Variants in NEBL observed in about 807,000 individuals in gnomAD.
NEBL encodes the protein nebulette.
A neutral mutation model predicts 140.2 loss-of-function variants in NEBL; 122 were observed. The ratio of observed to expected loss-of-function variants is 0.87; its 90% CI spans 0.75 to 1.01. The LOEUF (loss-of-function observed/expected upper bound fraction) is 1.01. Among genes scored for constraint, NEBL ranks in the 50% least tolerant of loss-of-function variants. NEBL has a pLI of 0.00. For synonymous variants in NEBL, 436 were observed against 398.9 expected (o/e 1.09, Z -1.11); for missense variants, 1,365 against 1,231.3 (o/e 1.11, Z -1.62).
intron 3 of NEBL, among the ~76,000 whole-genome samples, chr10:20,999,537 T>G (rs1256893304): frequency 6.6e-6 from 1 of 152,192 alleles, no homozygotes; most frequent in Non-Finnish European, 1.5e-5. Context: ...AGGTTGAGGC[T>G]GCAGTGAGCT....
intron 3 of NEBL, among the ~76,000 whole-genome samples, chr10:21,198,406 T>G (rs903121004): frequency 6.6e-6 from 1 of 152,214 alleles, no homozygotes; most frequent in African/African-American, 2.4e-5. Flanking sequence ...TCCCTCTCTG[T>G]GCCTCCTGGT....
chr10:21,090,173 T>C lies in NEBL; in HGVS notation c.165-69972A>G, dbSNP rs548104884. Among the ~76,000 whole-genome samples, 25 of 152,304 alleles carry C rather than the reference T, an allele frequency of 1.6e-4. No homozygotes were observed. The South Asian group carries it at 4.8e-3, about 29-fold the overall frequency. ...AAGAGCTACGGTCTTCCCAGTGAAGTGCTTGCAAAACAGTATTTATCACCC... is the reference window on the plus strand; with the variant it reads ...AAGAGCTACGGTCTTCCCAGTGAAGCGCTTGCAAAACAGTATTTATCACCC... On this transcript the variant is annotated intron_variant, in intron 2 of 6. Transcript: ENST00000417816.
In NEBL at chr10:20,799,397, C is replaced by T. The variant is rs376667875; in HGVS notation, c.2761+9113G>A. Among the ~76,000 whole-genome samples the T allele has an allele frequency of 4.1e-4, 63 of 152,258 alleles. 1 individual carries two copies. In the South Asian group the frequency reaches 4.8e-3, roughly 12 times the overall value. On this transcript the variant is annotated intron_variant, in intron 26 of 27. Coordinates refer to ENST00000377122, the MANE Select transcript of NEBL (RefSeq NM_006393.3). ...TCTTGAACTCCTGGACTCTAGTGAT[C>T]CACCCACCTCCGCTTCCCAAAGTGC... is the stretch of plus-strand genomic sequence containing the variant.
At chr10:21,030,301 G>T in intron 2 of NEBL, 1 of 655,366 alleles carries the variant, frequency 1.5e-6, no homozygotes, top group Non-Finnish European at 2.7e-6. Flanking sequence ...AACTGGAACG[G>T]TGGAGGACAG....
At chr10:21,048,468 A>AAAAAGGT (rs1554821159) in intron 2 of NEBL, among the ~76,000 whole-genome samples, 6 of 151,840 alleles carry the variant, frequency 4.0e-5, no homozygotes, top group Non-Finnish European at 8.8e-5. Context: ...AAAAAAAAAA[A>AAAAAGGT]ACCTAAGTAA....
chr10:20,998,987 A>C (rs1224594599), intron 3 of NEBL, among the ~76,000 whole-genome samples: 1 of 152,206 alleles, frequency 6.6e-6, no homozygotes, highest in Non-Finnish European at 1.5e-5. Context: ...CTGGGTGTTC[A>C]GGGTTAGGCA....
At chr10:21,083,469 TA>T (rs1384913680) in intron 2 of NEBL, among the ~76,000 whole-genome samples, 41 of 152,232 alleles carry the variant, frequency 2.7e-4, no homozygotes, top group Non-Finnish European at 5.9e-5. Flanking sequence ...CTTTCTGAAA[TA>T]TTTTTGCAAT....
At chr10:21,196,313 T>TTTTA (rs10629849) in intron 3 of NEBL, among the ~76,000 whole-genome samples, 78,195 of 140,396 alleles carry the variant, frequency 0.56, 22,112 homozygotes, top group Non-Finnish European at 0.59. Flanking sequence ...ATATTTTTAT[T>TTTTA]TTTATTTATT....
intron 3 of NEBL, among the ~76,000 whole-genome samples, chr10:20,978,211 C>T (rs1589101445): frequency 1.3e-5 from 2 of 152,210 alleles, no homozygotes; most frequent in African/African-American, 4.8e-5. Context: ...CCATCTTCCC[C>T]AACACTTCCC....
Position 20,784,183 on chromosome 10 carries a change from C to T in NEBL, c.*1564G>A, listed in dbSNP as rs1317488651. On this transcript the variant is annotated 3_prime_UTR_variant, in exon 28 of 28. Coordinates refer to ENST00000377122, the MANE Select transcript of NEBL (RefSeq NM_006393.3). The stretch of plus-strand genomic sequence containing the variant: ...ATCTTAGTACTTTTTTGCAGTTTTG[C>T]TTTTTCGGTTTTGTCATAGCTGTGA... The T allele has an allele frequency of 6.6e-6, 1 of 152,126 alleles. No individual in the cohort carries two copies. The highest frequency in any genetic ancestry group is 2.1e-4 in the South Asian group (1 of 4,828). The allele number at this position is 152,126 out of a possible 1,614,324, so 9.4% of individuals were successfully genotyped here.
intron 2 of NEBL, among the ~76,000 whole-genome samples, chr10:21,121,512 G>A (rs1156999754): frequency 6.6e-6 from 1 of 152,144 alleles, no homozygotes; most frequent in Non-Finnish European, 1.5e-5. Context: ...GTTGTCATAG[G>A]AAAAGTCCAA....
intron 2 of NEBL, among the ~76,000 whole-genome samples, chr10:21,076,672 A>ATT (rs1481525312): frequency 6.6e-6 from 1 of 152,190 alleles, no homozygotes; most frequent in Non-Finnish European, 1.5e-5. Context: ...ATCAGCTACT[A>ATT]TTCAACCTTA....
intron 2 of NEBL, among the ~76,000 whole-genome samples, chr10:20,892,558 A>G (rs1199197818): frequency 6.6e-6 from 1 of 152,122 alleles, no homozygotes; most frequent in Non-Finnish European, 1.5e-5. Flanking sequence ...AGTCATCTGC[A>G]CTCCTACCGA....
chr10:20,958,330 AGG>A (rs1189544906), intron 4 of NEBL, among the ~76,000 whole-genome samples: 3 of 152,114 alleles, frequency 2.0e-5, no homozygotes, highest in Non-Finnish European at 4.4e-5. Flanking sequence ...GGGCAAGGAG[AGG>A]GTGGATGGCA....
intron 3 of NEBL, among the ~76,000 whole-genome samples, chr10:20,970,369 T>C (rs566083374): frequency 6.6e-6 from 1 of 152,180 alleles, no homozygotes; most frequent in Non-Finnish European, 1.5e-5. Context: ...CTGGGCACAG[T>C]GGCTCACATC....
rs184020626 is a variant in NEBL at position 20,851,903 on chromosome 10, G to A, written c.1008+642C>T. Among the ~76,000 whole-genome samples, 26 of 152,048 alleles carry A rather than the reference G, an allele frequency of 1.7e-4. 1 individual carries two copies. In the East Asian group the frequency reaches 4.3e-3, roughly 25 times the overall value. ...TTTTAAAACCAATGAAGGTGAGTAC[G>A]AAATTATTATGGACTTTAAGTTCCA... On this transcript the variant is annotated intron_variant, in intron 10 of 27. Coordinates refer to ENST00000377122, the MANE Select transcript of NEBL (RefSeq NM_006393.3).
intron 2 of NEBL, among the ~76,000 whole-genome samples, chr10:21,171,181 CA>C (rs1344081529): frequency 6.6e-6 from 1 of 151,902 alleles, no homozygotes. Context: ...ACTAAAAATA[CA>C]AAATTAACTG....
intron 3 of NEBL, among the ~76,000 whole-genome samples, chr10:20,964,882 T>G (rs2131624445): frequency 6.6e-6 from 1 of 152,330 alleles, no homozygotes; most frequent in East Asian, 1.9e-4. Context: ...GTTTGCCCGT[T>G]ACGTGAGCTA....
intron 3 of NEBL, among the ~76,000 whole-genome samples, chr10:21,181,387 G>A (rs537635846): frequency 6.6e-6 from 1 of 151,356 alleles, no homozygotes; most frequent in African/African-American, 2.4e-5. Flanking sequence ...TGAAGGTAGC[G>A]TTTTCTGTAA....
Sources: gnomAD v4.1 joint callset for allele counts (sites outside exome capture counted in the v4.1 genomes callset) on GRCh38, gnomAD v4.1.1 for gene constraint, MANE v1.5 for transcripts, NCBI Gene and HGNC (gene_info 2026-07-23, HGNC 2026-07-21) for gene names.